The following NFE2L3 variants were observed in gnomAD, a reference collection of about 807,000 sequenced individuals.
NFE2L3 encodes the protein NFE2 like bZIP transcription factor 3, also known as nuclear factor erythroid 2-related factor 3.
A neutral mutation model predicts 23.5 loss-of-function variants in NFE2L3; 18 were observed. The observed-to-expected ratio is 0.77, with a 90% CI of 0.53 to 1.13. The LOEUF (loss-of-function observed/expected upper bound fraction) is 1.13, where lower values mean the gene tolerates loss of function less well. Ranked by LOEUF, NFE2L3 falls within the 50% of genes most tolerant of loss-of-function variation. The probability of loss-of-function intolerance (pLI) is 0.00; values close to 1 mark genes in which losing one functional copy is unlikely to be tolerated. For synonymous variants in NFE2L3, 424 were observed against 354.5 expected, an observed-to-expected ratio of 1.20 and a Z score of -2.20; for missense variants, 1,152 against 877.2, an observed-to-expected ratio of 1.31 and a Z score of -3.96.
At chr7:26,158,623 A>G (rs1784123047) in intron 1 of NFE2L3, among the ~76,000 whole-genome samples, 1 of 152,146 alleles carries the variant, frequency 6.6e-6, no homozygotes, top group African/African-American at 2.4e-5. Context: ...TCCAGTCAGT[A>G]TTTCCCCTCC....
At position 26,184,730 on chromosome 7, in the gene NFE2L3, G is replaced by A. The variant is rs1782435301; in HGVS notation, c.1032G>A (p.Gln344=). 6.2e-7 allele frequency: 1 copy of A among 1,613,786 alleles called. No homozygotes were observed. Among genetic ancestry groups the A allele is most frequent in the South Asian group, 1.1e-5 (1 of 91,050 alleles). The part of the protein sequence containing the change: ...RTSQSQEPFL[Q]LNSHTTNPEQ... ...CACAGTCACAAGAACCATTTCTGCA[G>A]TTAAATTCTCATACCACCAATCCTG... The change falls in exon 4 of 4, where the codon CAG becomes CAA. Residue 344 remains glutamine (Q), a synonymous_variant. Coordinates refer to ENST00000056233, the MANE Select transcript of NFE2L3 (RefSeq NM_004289.7).
At chr7:26,184,240 A>C (rs1042954825) in intron 3 of NFE2L3, 3 of 376,578 alleles carry the variant, frequency 8.0e-6, no homozygotes, top group Non-Finnish European at 9.6e-6. Flanking sequence ...GTTGCATCTT[A>C]TTATAAAGTA....
intron 1 of NFE2L3, among the ~76,000 whole-genome samples, chr7:26,172,039 A>G (rs986751991): frequency 6.6e-6 from 1 of 152,376 alleles, no homozygotes; most frequent in South Asian, 2.1e-4. Flanking sequence ...ATCAGGTATC[A>G]CCATTATTAT....
chr7:26,180,897 G>A (rs1784494670), intron 2 of NFE2L3, among the ~76,000 whole-genome samples: 1 of 152,084 alleles, frequency 6.6e-6, no homozygotes, highest in African/African-American at 2.4e-5. Flanking sequence ...TATCAGGCTT[G>A]GTTCCTCATT....
In NFE2L3 at chr7:26,185,405, T is replaced by A. The variant is rs554095125; in HGVS notation, c.1707T>A (p.Tyr569Ter). ...CTTTCAATAGCATGTTAAGTAGATA[T>A]TATCTGACAGACCTACAAGTCTCAC... is the stretch of plus-strand genomic sequence containing the variant. ...VDSFNSMLSR[Y>*]YLTDLQVSLI... is the part of the protein sequence containing the mutation. Residue 569 changes from tyrosine to a stop codon, truncating the protein, a stop_gained, in exon 4 of 4, where the codon TAT (tyrosine) becomes TAA (stop). Coordinates refer to ENST00000056233, the MANE Select transcript of NFE2L3 (RefSeq NM_004289.7). LOFTEE classifies it low-confidence loss of function (END_TRUNC). 1 of 1,614,008 alleles carries A rather than the reference T, an allele frequency of 6.2e-7. No homozygotes were observed. The highest frequency in any genetic ancestry group is 1.3e-5 in the African/African-American group (1 of 74,922).
At position 26,185,102 on chromosome 7, in the gene NFE2L3, C is replaced by A. The variant is rs1435196482; in HGVS notation, c.1404C>A (p.Tyr468Ter). 1.2e-6 allele frequency: 2 copies of A among 1,613,776 alleles called. No individual in the cohort carries two copies. The highest frequency in any genetic ancestry group is 2.7e-5 in the African/African-American group (2 of 74,916). The change falls in exon 4 of 4, where the codon TAC becomes TAA. Residue 468 changes from tyrosine (Y) to a stop codon, truncating the protein, a stop_gained. Coordinates refer to ENST00000056233, the MANE Select transcript of NFE2L3 (RefSeq NM_004289.7). LOFTEE classifies it low-confidence loss of function (END_TRUNC). ...HHDLEGAVGGYYPEPSKLCHL... is the reference protein window; with the variant it reads ...HHDLEGAVGG ...ACTTAGAAGGTGCTGTAGGTGGCTA[C>A]TACCCAGAACCCAGTAAGCTTTGTC... is the stretch of plus-strand genomic sequence containing the variant.
At chr7:26,170,652 A>G (rs1042695017) in intron 1 of NFE2L3, among the ~76,000 whole-genome samples, 2 of 152,248 alleles carry the variant, frequency 1.3e-5, no homozygotes, top group Non-Finnish European at 2.9e-5. Flanking sequence ...CACAGACAGA[A>G]TTCAAGGGGA....
Position 26,178,104 on chromosome 7 carries a change from C to G in NFE2L3, c.732C>G (p.Thr244=). The change falls in exon 2 of 4, where the codon ACC becomes ACG. Residue 244 remains threonine (T), a synonymous_variant. Coordinates refer to ENST00000056233, the MANE Select transcript of NFE2L3 (RefSeq NM_004289.7). ...AACCTGACTGGGAGGCAGAAAAGAC[C>G]ACTGAATCTAGAAATGAGGTAAGCC... ...AEKPDWEAEK[T]TESRNERHLN... is the part of the protein sequence containing the mutation. 1 of 1,613,124 alleles carries G rather than the reference C, an allele frequency of 6.2e-7. No homozygotes were observed. The highest frequency in any genetic ancestry group is 1.1e-5 in the South Asian group (1 of 90,774).
chr7:26,184,458 GAA>G (rs1782427735), intron 3 of NFE2L3, 73 bp from the exon 4 acceptor site: 2 of 1,369,482 alleles, frequency 1.5e-6, no homozygotes, highest in Non-Finnish European at 2.0e-6. Context: ...AGAGGGGAAA[GAA>G]AGTTGTTAGG....
intron 1 of NFE2L3, among the ~76,000 whole-genome samples, chr7:26,169,779 CTG>C (rs1253747767): frequency 6.6e-6 from 1 of 152,212 alleles, no homozygotes; most frequent in African/African-American, 2.4e-5. Context: ...TTCCCTCAGT[CTG>C]TGGAATTCAG....
intron 1 of NFE2L3, among the ~76,000 whole-genome samples, chr7:26,160,453 C>A (rs573659117): frequency 1.4e-4 from 22 of 152,192 alleles, no homozygotes; most frequent in African/African-American, 5.3e-4. Flanking sequence ...TCCAGAAAAA[C>A]AGAATGAGTA....
At chr7:26,155,303 G>A (rs1048450371) in intron 1 of NFE2L3, among the ~76,000 whole-genome samples, 14 of 152,062 alleles carry the variant, frequency 9.2e-5, no homozygotes, top group African/African-American at 2.7e-4. Flanking sequence ...TTACTTGGGC[G>A]TGATTACACA....
At chr7:26,161,190 G>A (rs1359621529) in intron 1 of NFE2L3, among the ~76,000 whole-genome samples, 1 of 152,178 alleles carries the variant, frequency 6.6e-6, no homozygotes, top group Non-Finnish European at 1.5e-5. Context: ...GACTGAGGAA[G>A]GATCATGATC....
chr7:26,183,079 AC>A (rs1177604212), intron 2 of NFE2L3, among the ~76,000 whole-genome samples: 2 of 151,898 alleles, frequency 1.3e-5, no homozygotes, highest in Non-Finnish European at 2.9e-5. Context: ...GAGCCACCAC[AC>A]CTGGCCAAAA....
rs1782501543 is a variant in NFE2L3, at chr7:26,186,929, C to T, written c.*1146C>T. ...GACAGCAATGACCTCACCTAGATGA[C>T]TCAAGTTTGGGGAACATCAAGATTT... On this transcript the variant is annotated 3_prime_UTR_variant, in exon 4 of 4. Transcript: ENST00000056233. 6.6e-6 allele frequency: 1 copy of T among 152,194 alleles called. No individual in the cohort carries two copies. The highest frequency in any genetic ancestry group is 1.5e-5 in the Non-Finnish European group (1 of 68,036). 9.4% of individuals were successfully genotyped at this position (152,194 alleles called of 1,614,324 possible).
chr7:26,175,712 G>C lies in NFE2L3; in HGVS notation c.571-2231G>C, dbSNP rs558885551. ...GAGAATGGCGTGAACCCGGGAGGCC[G>C]AGCTTGTAGTGAGCCAAGATCGTGC... is the stretch of plus-strand genomic sequence containing the variant. On this transcript the variant is annotated intron_variant, in intron 1 of 3. Coordinates refer to ENST00000056233, the MANE Select transcript of NFE2L3 (RefSeq NM_004289.7). 2.7e-5 allele frequency among the ~76,000 whole-genome samples: 4 copies of C among 149,720 alleles called. No individual in the cohort carries two copies. The East Asian group carries it at 5.9e-4, about 22-fold the overall frequency.
At chr7:26,160,873 C>T (rs951857914) in intron 1 of NFE2L3, among the ~76,000 whole-genome samples, 3 of 152,206 alleles carry the variant, frequency 2.0e-5, no homozygotes, top group African/African-American at 7.2e-5. Flanking sequence ...TCCTGGGAAA[C>T]CATGATTTCC....
intron 1 of NFE2L3, among the ~76,000 whole-genome samples, chr7:26,156,979 G>T (rs976350150): frequency 2.6e-5 from 4 of 152,142 alleles, no homozygotes; most frequent in African/African-American, 4.8e-5. Flanking sequence ...GGGCACGGTG[G>T]CACGTGCCTG....
intron 2 of NFE2L3, 60 bp downstream of exon 2, chr7:26,178,182 T>TTGACA: frequency 6.8e-7 from 1 of 1,472,244 alleles, no homozygotes. Flanking sequence ...TTTTGTGGCA[T>TTGACA]TGACAGTTTG....
Sources: gnomAD v4.1 joint callset for allele counts (sites outside exome capture counted in the v4.1 genomes callset) on GRCh38, gnomAD v4.1.1 for gene constraint, MANE v1.5 for transcripts, NCBI Gene and HGNC (gene_info 2026-07-23, HGNC 2026-07-21) for gene names.